The following INSL6 variants were observed in gnomAD, a reference collection of about 807,000 sequenced individuals.
INSL6 encodes the protein insulin-like peptide INSL6.
INSL6 carries 16 observed loss-of-function variants against 9.4 expected under a neutral mutation model. The ratio of observed to expected loss-of-function variants is 1.70; its 90% confidence interval spans 1.15 to 2.59. INSL6 has a LOEUF of 2.59. Among genes scored for constraint, INSL6 ranks in the 30% most tolerant of loss-of-function variants. The probability of loss-of-function intolerance (pLI) is 0.00; values close to 1 mark genes in which losing one functional copy is unlikely to be tolerated. For missense variants in INSL6, 391 were observed against 257.3 expected (o/e 1.52, Z -3.56); for synonymous variants, 154 against 96.9 (o/e 1.59, Z -3.46).
the INSL6 span, chr9:5,044,539 ACTTG>A: frequency 7.3e-7 from 1 of 1,367,936 alleles, no homozygotes; most frequent in Non-Finnish European, 1.0e-6. Context: ...ATATTATCTT[ACTTG>A]TACATGAGTT....
the INSL6 span, among the ~76,000 whole-genome samples, chr9:5,001,494 C>G: frequency 2.0e-5 from 3 of 152,196 alleles, no homozygotes; most frequent in East Asian, 3.9e-4. Flanking sequence ...TGCATTGATT[C>G]ATTTTCAAAT....
chr9:5,124,621 C>G (rs186700851), intron 3 of INSL6, among the ~76,000 whole-genome samples: 59 of 151,872 alleles, frequency 3.9e-4, no homozygotes, highest in Non-Finnish European at 6.8e-4. Flanking sequence ...GCAAAAAGAA[C>G]AAAGCTGGAA....
chr9:5,023,399 T>C, the INSL6 span, among the ~76,000 whole-genome samples: 72 of 152,212 alleles, frequency 4.7e-4, no homozygotes, highest in Non-Finnish European at 8.5e-4. Flanking sequence ...GAGCTGGGCT[T>C]CAAAATATCA....
the INSL6 span, among the ~76,000 whole-genome samples, chr9:5,010,513 G>C: frequency 6.6e-6 from 1 of 151,954 alleles, no homozygotes; most frequent in African/African-American, 2.4e-5. Flanking sequence ...TACAGACAGG[G>C]TTTCACCATG....
chr9:5,163,836 T>C (rs935932719), downstream of INSL6: 8 of 914,856 alleles, frequency 8.7e-6, no homozygotes, highest in Non-Finnish European at 1.0e-5. Context: ...ATATCACTTA[T>C]ATGCACAATT....
the INSL6 span, chr9:5,091,454 T>C: frequency 1.3e-5 from 2 of 152,384 alleles, no homozygotes; most frequent in Admixed American, 6.5e-5. Context: ...TTTAATAGCA[T>C]AGGGAGTTGA....
chr9:5,117,237 C>T, the INSL6 span, among the ~76,000 whole-genome samples: 1 of 152,214 alleles, frequency 6.6e-6, no homozygotes, highest in Non-Finnish European at 1.5e-5. Flanking sequence ...TATCCATTGT[C>T]AGGTACTCTG....
the INSL6 span, among the ~76,000 whole-genome samples, chr9:5,017,084 G>T: frequency 2.0e-5 from 3 of 152,192 alleles, no homozygotes; most frequent in African/African-American, 7.2e-5. Flanking sequence ...GGAAAGCCAT[G>T]ACATGTAGGA....
At chr9:5,088,283 AGAGATT>A in the INSL6 span, among the ~76,000 whole-genome samples, 1 of 152,178 alleles carries the variant, frequency 6.6e-6, no homozygotes, top group Non-Finnish European at 1.5e-5. Flanking sequence ...TGTGTAATTA[AGAGATT>A]TAACTTTGAG....
intron 1 of INSL6, among the ~76,000 whole-genome samples, chr9:5,167,056 A>G (rs1285295551): frequency 6.6e-6 from 1 of 152,070 alleles, no homozygotes; most frequent in East Asian, 1.9e-4. Context: ...TGAGTTACCA[A>G]TGTTCTCTCA....
At chr9:5,102,088 T>C in the INSL6 span, among the ~76,000 whole-genome samples, 915 of 152,134 alleles carry the variant, frequency 6.0e-3, 41 homozygotes, top group Admixed American at 0.047. Context: ...ATAACAAACT[T>C]CTCCAAGCTA....
chr9:5,116,683 G>A, the INSL6 span, among the ~76,000 whole-genome samples: 1 of 152,106 alleles, frequency 6.6e-6, no homozygotes, highest in Non-Finnish European at 1.5e-5. Flanking sequence ...TACTATACAG[G>A]GAGGTAGGGA....
At chr9:5,178,192 C>A (rs543099733) in intron 1 of INSL6, among the ~76,000 whole-genome samples, 2 of 152,268 alleles carry the variant, frequency 1.3e-5, no homozygotes, top group South Asian at 4.1e-4. Flanking sequence ...TTAAGTGGGA[C>A]CCCAATCCAT....
At chr9:5,021,847 T>A in the INSL6 span, 1 of 614,592 alleles carries the variant, frequency 1.6e-6, no homozygotes, top group East Asian at 2.8e-5. Flanking sequence ...TGCTGAGGCT[T>A]GTCTCCAACT....
downstream of INSL6, among the ~76,000 whole-genome samples, chr9:5,120,170 G>A (rs910481321): frequency 4.6e-5 from 7 of 152,216 alleles, no homozygotes; most frequent in African/African-American, 1.4e-4. Flanking sequence ...CTTCAGAGAG[G>A]AGGAACACCA....
chr9:5,184,823 C>T (rs1394444782), intron 1 of INSL6, among the ~76,000 whole-genome samples: 2 of 152,184 alleles, frequency 1.3e-5, no homozygotes, highest in Admixed American at 6.5e-5. Flanking sequence ...ATTTTACTAC[C>T]TTTATTTTCA....
At chr9:5,051,984 C>A in the INSL6 span, among the ~76,000 whole-genome samples, 2 of 151,978 alleles carry the variant, frequency 1.3e-5, no homozygotes, top group Non-Finnish European at 2.9e-5. Context: ...AAAACACATT[C>A]ATTCATTCAA....
At position 5,185,266 on chromosome 9, in the gene INSL6, A is replaced by G. The variant is rs777439336; in HGVS notation, c.289+48T>C. ...CTTCTGGCAGAGCAAATGCAGGAAT[A>G]AGAAATATACAGAGGTGAACAAACA... On this transcript the variant is annotated intron_variant, in intron 1 of 1. Coordinates refer to ENST00000381641, the MANE Select transcript of INSL6 (RefSeq NM_007179.3). The G allele has an allele frequency of 5.0e-6, 8 of 1,611,602 alleles. No individual in the cohort carries two copies. In the African/African-American group the frequency reaches 9.3e-5, roughly 19 times the overall value.
intron 1 of INSL6, among the ~76,000 whole-genome samples, chr9:5,180,063 A>C (rs1441538462): frequency 6.6e-6 from 1 of 152,244 alleles, no homozygotes; most frequent in Non-Finnish European, 1.5e-5. Flanking sequence ...TGTTGTGGGA[A>C]GTCAGGGACC....
Sources: gnomAD v4.1 joint callset for allele counts (sites outside exome capture counted in the v4.1 genomes callset) on GRCh38, gnomAD v4.1.1 for gene constraint, MANE v1.5 for transcripts, NCBI Gene and HGNC (gene_info 2026-07-23, HGNC 2026-07-21) for gene names.